The following WSB2 variants were observed in gnomAD, a reference collection of about 807,000 sequenced individuals.
The protein encoded by WSB2 is WD repeat and SOCS box containing 2, also known as WD repeat and SOCS box-containing protein 2.
Under a neutral mutation model 48.8 loss-of-function variants are expected in WSB2, and 12 were observed. The observed-to-expected ratio is 0.25, with a 90% CI of 0.16 to 0.40. WSB2 has a LOEUF of 0.40. Ranked by LOEUF, WSB2 falls within the 10% of genes least tolerant of loss-of-function variation. WSB2 has a pLI of 1.00. For synonymous variants in WSB2, 191 were observed against 203.1 expected (o/e 0.94, Z 0.51); for missense variants, 317 against 506.2 (o/e 0.63, Z 3.59).
chr12:118,055,717 A>C (rs4767655), intron 1 of WSB2, among the ~76,000 whole-genome samples: 16,404 of 149,062 alleles, frequency 0.11, 1,409 homozygotes, highest in East Asian at 0.42. Flanking sequence ...TGGGTTCAAG[A>C]AATTCTTATG....
At chr12:118,058,808 T>G (rs1407035620) in intron 1 of WSB2, among the ~76,000 whole-genome samples, 1 of 151,994 alleles carries the variant, frequency 6.6e-6, no homozygotes, top group East Asian at 1.9e-4. Context: ...GCGGTTCTCC[T>G]GCCTCAGCCT....
At chr12:118,034,742 C>G (rs2031466793) in intron 8 of WSB2, 1 of 544,482 alleles carries the variant, frequency 1.8e-6, no homozygotes, top group African/African-American at 1.9e-5. Context: ...ATTTTATTCT[C>G]CCTTGTGAAC....
At chr12:118,035,701 G>T (rs530233009) in intron 6 of WSB2, 2 of 186,976 alleles carry the variant, frequency 1.1e-5, no homozygotes, top group African/African-American at 4.7e-5. Context: ...GACCAAGTTT[G>T]TGAGAACATG....
chr12:118,062,069 GA>G (rs2032082106), upstream of WSB2: 2 of 1,532,210 alleles, frequency 1.3e-6, no homozygotes, highest in Non-Finnish European at 8.7e-7. Context: ...GGGCAGGAGC[GA>G]TTCGGAAGAA....
intron 4 of WSB2, among the ~76,000 whole-genome samples, chr12:118,040,019 T>G (rs1456365049): frequency 6.6e-6 from 1 of 152,012 alleles, no homozygotes; most frequent in East Asian, 1.9e-4. Context: ...GTGCTTTAAT[T>G]AATATTTTTA....
At position 118,054,323 on chromosome 12, in the gene WSB2, G is replaced by A. The variant is rs573612644; in HGVS notation, c.14-1845C>T. The stretch of plus-strand genomic sequence containing the variant: ...GGAGAAGCACTTGAACCCAGGAGGC[G>A]GAGGTTACAGTGAGCCGAGATCGTG... On this transcript the variant is annotated intron_variant, in intron 1 of 8. Transcript: ENST00000315436. Among the ~76,000 whole-genome samples the A allele has an allele frequency of 5.9e-5, 9 of 152,014 alleles. No individual in the cohort carries two copies. In the East Asian group the frequency reaches 9.7e-4, roughly 16 times the overall value.
At chr12:118,048,613 A>C (rs1393548065) in intron 2 of WSB2, among the ~76,000 whole-genome samples, 1 of 152,028 alleles carries the variant, frequency 6.6e-6, no homozygotes, top group African/African-American at 2.4e-5. Flanking sequence ...TTTTTCTCCA[A>C]AACCAGTAAC....
intron 8 of WSB2, 144 bp downstream of exon 8, chr12:118,034,842 G>T (rs1444019749): frequency 5.6e-6 from 4 of 708,904 alleles, no homozygotes; most frequent in African/African-American, 1.8e-5. Flanking sequence ...TAGCAAAATC[G>T]ATCATTTGAG....
Position 118,060,916 on chromosome 12 carries a change from C to A in WSB2, c.13+120G>T. ...CGCGGACCTCCCAGGCCGGACGCCCCCGCCGCGTCCAGCCCCCGCCCCACC... is the reference window on the plus strand; with the variant it reads ...CGCGGACCTCCCAGGCCGGACGCCCACGCCGCGTCCAGCCCCCGCCCCACC... On this transcript the variant is annotated intron_variant, in intron 1 of 8. Coordinates refer to ENST00000315436, the MANE Select transcript of WSB2 (RefSeq NM_018639.5). The surrounding 1 kb of genome is among the most constrained non-coding windows in gnomAD (Gnocchi z 4.1). 1 of 421,304 alleles carries A rather than the reference C, an allele frequency of 2.4e-6. No individual in the cohort carries two copies. Among genetic ancestry groups the A allele is most frequent in the South Asian group, 9.3e-5 (1 of 10,720 alleles). The allele number at this position is 421,304 out of a possible 1,614,324, so 26.1% of individuals were successfully genotyped here.
At chr12:118,042,733 G>A in intron 4 of WSB2, 108 bp downstream of exon 4, 1 of 1,517,920 alleles carries the variant, frequency 6.6e-7, no homozygotes, top group Non-Finnish European at 8.8e-7. Flanking sequence ...GGCAATCACA[G>A]AAAAAAACAT....
rs12228444 is a variant in WSB2 at position 118,034,246 on chromosome 12, G to A, written c.1165C>T (p.Leu389=). ...SFLTTYQVLA[L]PIPKKMKEFL... ...TCTTTCATTTTCTTGGGGATTGGCA[G>A]TGCTAGGACTTGGTAAGTTGTTAGG... The change falls in exon 9 of 9, where the codon CTG becomes TTG. Residue 389 remains leucine, a synonymous_variant. Transcript: ENST00000315436. 531 of 1,614,248 alleles carry A rather than the reference G, an allele frequency of 3.3e-4. 8 individuals are homozygous for A. The East Asian group carries it at 0.012, about 35-fold the overall frequency.
chr12:118,040,231 C>T lies in WSB2; in HGVS notation c.560-1843G>A, dbSNP rs199833026. ...GTCAAATCTCAGGGTGCTGGGAGTACTGAATAAATTAAGGCATGTTAGGTC... is the reference window on the plus strand; with the variant it reads ...GTCAAATCTCAGGGTGCTGGGAGTATTGAATAAATTAAGGCATGTTAGGTC... On this transcript the variant is annotated intron_variant, in intron 4 of 8. Coordinates refer to ENST00000315436, the MANE Select transcript of WSB2 (RefSeq NM_018639.5). Among the ~76,000 whole-genome samples the T allele has an allele frequency of 1.0e-3, 157 of 152,148 alleles. 1 individual carries two copies. Among genetic ancestry groups the T allele is most frequent in the African/African-American group, 3.7e-3 (153 of 41,510 alleles).
Position 118,060,189 on chromosome 12 carries a change from T to C in WSB2, c.13+847A>G, listed in dbSNP as rs1466952538. Among the ~76,000 whole-genome samples, 5 of 152,154 alleles carry C rather than the reference T, an allele frequency of 3.3e-5. No individual in the cohort carries two copies. On this transcript the variant is annotated intron_variant, in intron 1 of 8. Transcript: ENST00000315436. The surrounding 1 kb of genome is among the most constrained non-coding windows in gnomAD (Gnocchi z 4.1). ...GGAGGGGAGAGGGCCAAGGCGTGCA[T>C]GCGTCTTGGGGTTTTTTTCCCCTTG...
chr12:118,052,277 C>T lies in WSB2; in HGVS notation c.182+33G>A, dbSNP rs562413062. Reference sequence around the variant, plus strand: ...AAAGAACAAGGAGTGTTTGGAAATGCGCCGGATGGGGCCCCAGTACGAGAA... The same window carrying T: ...AAAGAACAAGGAGTGTTTGGAAATGTGCCGGATGGGGCCCCAGTACGAGAA... On this transcript the variant is annotated intron_variant, in intron 2 of 8. Coordinates refer to ENST00000315436, the MANE Select transcript of WSB2 (RefSeq NM_018639.5). 37 of 1,603,974 alleles carry T rather than the reference C, an allele frequency of 2.3e-5. No individual in the cohort carries two copies. The East Asian group carries it at 3.8e-4, about 17-fold the overall frequency.
Position 118,043,368 on chromosome 12 carries a change from T to A in WSB2, c.192A>T (p.Lys64Asn). Residue 64 changes from lysine to asparagine, a missense_variant, in exon 3 of 9, where the codon AAA becomes AAT. Transcript: ENST00000315436. ...TACTTCGGCTTTTGGCTTCAAACCCTTTAGGGATGCTGGGAGAAGCAGAGA... is the reference window on the plus strand; with the variant it reads ...TACTTCGGCTTTTGGCTTCAAACCCATTAGGGATGCTGGGAGAAGCAGAGA... ...PWPLEEQFIP[K>N]GFEAKSRSSK... 6.5e-7 allele frequency: 1 copy of A among 1,548,790 alleles called. No individual in the cohort carries two copies. The highest frequency in any genetic ancestry group is 8.7e-7 in the Non-Finnish European group (1 of 1,150,848).
chr12:118,056,945 T>G (rs2031968265), intron 1 of WSB2, among the ~76,000 whole-genome samples: 1 of 152,122 alleles, frequency 6.6e-6, no homozygotes, highest in Non-Finnish European at 1.5e-5. Flanking sequence ...CTGATGATGC[T>G]TATGCCAAAC....
intron 2 of WSB2, 145 bp downstream of exon 2, chr12:118,052,165 G>A: frequency 6.7e-6 from 8 of 1,196,536 alleles, no homozygotes; most frequent in Non-Finnish European, 9.1e-6. Context: ...CACATATACA[G>A]AACTTGGGGC....
intron 5 of WSB2, chr12:118,038,057 G>C: frequency 2.5e-6 from 1 of 396,566 alleles, no homozygotes; most frequent in Non-Finnish European, 4.5e-6. Context: ...ATTTTATAAA[G>C]GGAAACAGCC....
At chr12:118,055,394 T>C (rs2031936834) in intron 1 of WSB2, among the ~76,000 whole-genome samples, 2 of 152,100 alleles carry the variant, frequency 1.3e-5, no homozygotes, top group South Asian at 4.1e-4. Context: ...TGCAGTCAAG[T>C]ATTAAATGAC....
Sources: gnomAD v4.1 joint callset for allele counts (sites outside exome capture counted in the v4.1 genomes callset) on GRCh38, gnomAD v4.1.1 for gene constraint, Gnocchi (gnomAD v3.1) non-coding constraint, MANE v1.5 for transcripts, NCBI Gene and HGNC (gene_info 2026-07-23, HGNC 2026-07-21) for gene names.